TFDP2: variants seen among roughly 807,000 people sequenced by gnomAD.
The protein encoded by TFDP2 is transcription factor Dp-2 (E2F dimerization partner 2).
In TFDP2, 17 loss-of-function variants were observed where a neutral mutation model predicts 59.3. That is an observed-to-expected ratio of 0.29 (90% CI 0.20 to 0.43). The LOEUF (loss-of-function observed/expected upper bound fraction) is 0.43. Among genes scored for constraint, TFDP2 ranks in the 20% least tolerant of loss-of-function variants. The pLI is 1.00. For missense variants in TFDP2, 391 were observed against 528.8 expected (o/e 0.74, Z 2.56); for synonymous variants, 180 against 194.7 (o/e 0.92, Z 0.63).
At chr3:141,972,163 G>T (rs1263089058) in intron 8 of TFDP2, among the ~76,000 whole-genome samples, 1 of 152,140 alleles carries the variant, frequency 6.6e-6, no homozygotes, top group East Asian at 1.9e-4. Context: ...GTGGCGTTCT[G>T]CATTTGAAAA....
intron 4 of TFDP2, among the ~76,000 whole-genome samples, chr3:141,995,883 C>CAAAA (rs146557075): frequency 5.9e-5 from 4 of 67,936 alleles, no homozygotes; most frequent in Non-Finnish European, 9.3e-5. Context: ...AACTCCATTT[C>CAAAA]AAAAAAAAAA....
intron 7 of TFDP2, among the ~76,000 whole-genome samples, chr3:141,974,907 CT>C (rs753702830): frequency 0.017 from 1,575 of 90,476 alleles, 2 homozygotes; most frequent in African/African-American, 0.034. Flanking sequence ...TCTTCTTCTT[CT>C]TTTTTTTTTT....
intron 8 of TFDP2, among the ~76,000 whole-genome samples, chr3:141,971,535 G>A (rs919873950): frequency 2.3e-4 from 35 of 151,910 alleles, no homozygotes; most frequent in African/African-American, 8.5e-4. Flanking sequence ...GGGTGACAGA[G>A]CAAGTCTCCA....
chr3:141,949,555 C>T lies in TFDP2; in HGVS notation c.*2958G>A, dbSNP rs933813802. 4 of 152,184 alleles carry T rather than the reference C, an allele frequency of 2.6e-5. No individual in the cohort carries two copies. The highest frequency in any genetic ancestry group is 7.2e-5 in the African/African-American group (3 of 41,428). The allele number at this position is 152,184 out of a possible 1,614,324, so 9.4% of individuals were successfully genotyped here. The stretch of plus-strand genomic sequence containing the variant: ...GCGCTGCTGTGTGCCTAGGCAGCAC[C>T]GCCCTACCCACTGAGGGCCAGGCAC... On this transcript the variant is annotated 3_prime_UTR_variant, in exon 13 of 13. Transcript: ENST00000489671.
chr3:142,044,886 TA>T (rs1209268112), intron 3 of TFDP2, among the ~76,000 whole-genome samples: 1 of 152,184 alleles, frequency 6.6e-6, no homozygotes, highest in Non-Finnish European at 1.5e-5. Context: ...TACTTAGATT[TA>T]ATTAGCTAAT....
chr3:142,009,953 T>C (rs983239494), intron 3 of TFDP2, among the ~76,000 whole-genome samples: 37 of 151,854 alleles, frequency 2.4e-4, no homozygotes, highest in Non-Finnish European at 4.0e-4. Context: ...TAAAACTTTA[T>C]AGAAGTATTA....
intron 4 of TFDP2, among the ~76,000 whole-genome samples, chr3:141,998,703 T>G (rs566964784): frequency 6.6e-6 from 1 of 152,302 alleles, no homozygotes; most frequent in African/African-American, 2.4e-5. Flanking sequence ...AAATGGAGTT[T>G]TAAATTTCAG....
At chr3:142,065,150 T>C (rs2060032145) in intron 3 of TFDP2, among the ~76,000 whole-genome samples, 1 of 51,582 alleles carries the variant, frequency 1.9e-5, no homozygotes, top group African/African-American at 1.3e-4. Context: ...TTCAGATCAT[T>C]AAGATTTTTT....
chr3:141,964,892 C>T (rs1339524369), intron 9 of TFDP2, among the ~76,000 whole-genome samples: 1 of 152,174 alleles, frequency 6.6e-6, no homozygotes, highest in Non-Finnish European at 1.5e-5. Context: ...TTATAAGATA[C>T]ATCAAGGCCT....
intron 6 of TFDP2, among the ~76,000 whole-genome samples, chr3:141,981,592 T>C (rs531773404): frequency 6.6e-6 from 1 of 152,350 alleles, no homozygotes; most frequent in Non-Finnish European, 1.5e-5. Context: ...AGCATACTTA[T>C]CTTACCTCAC....
intron 1 of TFDP2, among the ~76,000 whole-genome samples, chr3:142,109,660 T>C (rs537986686): frequency 6.6e-6 from 1 of 152,212 alleles, no homozygotes; most frequent in East Asian, 1.9e-4. Context: ...CATTTTTCTT[T>C]CATGAACAAA....
intron 3 of TFDP2, chr3:142,090,812 T>C (rs894430340): frequency 3.3e-5 from 5 of 152,382 alleles, no homozygotes; most frequent in Admixed American, 3.3e-4. Flanking sequence ...CCGCCCACCT[T>C]GGCCCCCCAA....
intron 3 of TFDP2, among the ~76,000 whole-genome samples, chr3:142,042,278 A>G (rs145755307): frequency 9.0e-4 from 137 of 152,096 alleles, no homozygotes; most frequent in African/African-American, 3.0e-3. Context: ...CTTTTTCCTA[A>G]TAACACTGTA....
At position 142,101,768 on chromosome 3, in the gene TFDP2, T is replaced by G; in HGVS notation, c.-19A>C. ...CCGTCATGTCAAACTGTATTCTATT[T>G]AAGATTCTGTAAAGCCATTAAAAAA... is the stretch of plus-strand genomic sequence containing the variant. On this transcript the variant is annotated 5_prime_UTR_variant, in exon 2 of 13. Transcript: ENST00000489671. 7.7e-7 allele frequency: 1 copy of G among 1,304,996 alleles called. No individual in the cohort carries two copies. The highest frequency in any genetic ancestry group is 1.8e-5 in the South Asian group (1 of 54,200). 80.8% of individuals were successfully genotyped at this position (1,304,996 alleles called of 1,614,324 possible).
intron 6 of TFDP2, among the ~76,000 whole-genome samples, chr3:141,991,577 G>A (rs573283251): frequency 6.6e-6 from 1 of 152,242 alleles, no homozygotes; most frequent in Admixed American, 6.5e-5. Flanking sequence ...TGGCCACATG[G>A]TGAAACCCCA....
intron 6 of TFDP2, among the ~76,000 whole-genome samples, chr3:141,991,999 G>C (rs569193608): frequency 7.0e-6 from 1 of 143,736 alleles, no homozygotes; most frequent in African/African-American, 2.6e-5. Flanking sequence ...CTGAGATCAA[G>C]CCATTGCACT....
At chr3:142,077,956 T>C (rs1270374410) in intron 3 of TFDP2, among the ~76,000 whole-genome samples, 2 of 151,768 alleles carry the variant, frequency 1.3e-5, no homozygotes, top group African/African-American at 4.8e-5. Flanking sequence ...CCATCAACCT[T>C]AAGGGTGAGT....
chr3:141,951,374 C>T lies in TFDP2; in HGVS notation c.*1139G>A, dbSNP rs145178888. ...ATATCCAGGCAGTAGGAGTGTTCAA[C>T]GTTTTCTAGTGTTTCTGTGAAACAC... is the stretch of plus-strand genomic sequence containing the variant. On this transcript the variant is annotated 3_prime_UTR_variant, in exon 13 of 13. Transcript: ENST00000489671. The T allele has an allele frequency of 1.1e-3, 169 of 152,258 alleles. 1 individual carries two copies. The highest frequency in any genetic ancestry group is 3.7e-3 in the African/African-American group (153 of 41,528). The allele number at this position is 152,258 out of a possible 1,614,324, so 9.4% of individuals were successfully genotyped here.
intron 2 of TFDP2, among the ~76,000 whole-genome samples, chr3:142,098,288 A>G (rs1034963633): frequency 2.0e-5 from 3 of 151,692 alleles, no homozygotes; most frequent in South Asian, 4.2e-4. Flanking sequence ...AAAACCCTCA[A>G]AAATTATATT....
Sources: gnomAD v4.1 joint callset for allele counts (sites outside exome capture counted in the v4.1 genomes callset) on GRCh38, gnomAD v4.1.1 for gene constraint, MANE v1.5 for transcripts, NCBI Gene and HGNC (gene_info 2026-07-23, HGNC 2026-07-21) for gene names.